DAPK1: variants seen among roughly 807,000 people sequenced by gnomAD.
The protein encoded by DAPK1 is death associated protein kinase 1.
In DAPK1, 56 loss-of-function variants were observed where a neutral mutation model predicts 144.9. The observed-to-expected ratio is 0.39, with a 90% CI of 0.31 to 0.48. The LOEUF (loss-of-function observed/expected upper bound fraction) is 0.48, where lower values mean the gene tolerates loss of function less well. Among genes scored for constraint, DAPK1 ranks in the 20% least tolerant of loss-of-function variants. The pLI is 0.95. For missense variants in DAPK1, 1,454 were observed against 1,875.4 expected (o/e 0.78, Z 4.15); for synonymous variants, 690 against 749.0 (o/e 0.92, Z 1.29).
chr9:87,565,901 C>T (rs752437090), intron 2 of DAPK1, among the ~76,000 whole-genome samples: 26 of 152,246 alleles, frequency 1.7e-4, no homozygotes, highest in Middle Eastern at 3.4e-3. Flanking sequence ...AGGCATTATT[C>T]CCTTTATTTT....
At chr9:87,639,525 A>G (rs752545645) in intron 5 of DAPK1, 42 bp downstream of exon 5, 7 of 1,610,430 alleles carry the variant, frequency 4.3e-6, no homozygotes, top group African/African-American at 4.0e-5. Flanking sequence ...TCTCATAAAC[A>G]TTATTCTGGC....
chr9:87,510,209 CA>C lies in DAPK1; in HGVS notation c.62+11071del, dbSNP rs1302969187. Among the ~76,000 whole-genome samples, 7 of 152,252 alleles carry C rather than the reference CA, an allele frequency of 4.6e-5. No homozygotes were observed. The East Asian group carries it at 5.8e-4, about 13-fold the overall frequency. Reference sequence around the variant, plus strand: ...TAACGCTTGACACGTATGGAGCAGACAGGGTAATGTCAGCCTCGTGGCCATG... The same window carrying C: ...TAACGCTTGACACGTATGGAGCAGACGGGTAATGTCAGCCTCGTGGCCATG... On this transcript the variant is annotated intron_variant, in intron 2 of 25. Transcript: ENST00000408954.
intron 3 of DAPK1, among the ~76,000 whole-genome samples, chr9:87,622,384 T>C (rs1829328692): frequency 6.6e-6 from 1 of 151,974 alleles, no homozygotes; most frequent in Non-Finnish European, 1.5e-5. Flanking sequence ...CTCCGGTACC[T>C]CACAAAACAG....
chr9:87,584,313 T>C (rs1209906695), intron 2 of DAPK1, among the ~76,000 whole-genome samples: 1 of 152,228 alleles, frequency 6.6e-6, no homozygotes, highest in Non-Finnish European at 1.5e-5. Flanking sequence ...TCTGGCCGAA[T>C]AGTATTTCAC....
chr9:87,694,240 G>T (rs1013888194), intron 21 of DAPK1, among the ~76,000 whole-genome samples: 5 of 152,142 alleles, frequency 3.3e-5, no homozygotes, highest in African/African-American at 1.2e-4. Context: ...ACCTAGCCCT[G>T]CAGGTGGCAT....
chr9:87,633,468 T>A, intron 3 of DAPK1: 1 of 817,440 alleles, frequency 1.2e-6, no homozygotes, highest in Middle Eastern at 6.2e-4. Flanking sequence ...AAGGACTTGG[T>A]TGCCTGGACA....
intron 3 of DAPK1, chr9:87,633,454 A>G (rs1349198979): frequency 1.1e-6 from 1 of 912,254 alleles, no homozygotes; most frequent in Non-Finnish European, 1.3e-6. Flanking sequence ...CTAATGTCTA[A>G]CTGAAGGACT....
chr9:87,672,858 C>G (rs1824225189), intron 19 of DAPK1, among the ~76,000 whole-genome samples: 2 of 152,128 alleles, frequency 1.3e-5, no homozygotes, highest in African/African-American at 4.8e-5. Flanking sequence ...GTGGGGAGCC[C>G]AGAAGCAGGC....
intron 19 of DAPK1, among the ~76,000 whole-genome samples, chr9:87,675,874 CA>C (rs1417379993): frequency 6.6e-6 from 1 of 151,326 alleles, no homozygotes; most frequent in African/African-American, 2.4e-5. Context: ...CACACACACA[CA>C]CACACACACA....
chr9:87,639,633 T>C lies in DAPK1; in HGVS notation c.554-17T>C. 6.2e-7 allele frequency: 1 copy of C among 1,613,914 alleles called. No individual in the cohort carries two copies. Among genetic ancestry groups the C allele is most frequent in the Non-Finnish European group, 8.5e-7 (1 of 1,179,842 alleles). On this transcript the variant is annotated splice_polypyrimidine_tract_variant and intron_variant, in intron 5 of 25. Transcript: ENST00000408954. ...TTTGCTTCCTCCCAAGCTAAATGAG[T>C]GTTTGTTTCCTCTTAGCTCCTGAGA...
chr9:87,691,986 C>T (rs952114551), intron 21 of DAPK1, among the ~76,000 whole-genome samples: 4 of 152,130 alleles, frequency 2.6e-5, no homozygotes, highest in Admixed American at 1.3e-4. Flanking sequence ...CTGTAAATGT[C>T]CGTTAGGTCC....
chr9:87,550,340 T>TAACAAA (rs1826429397), intron 2 of DAPK1, among the ~76,000 whole-genome samples: 1 of 152,266 alleles, frequency 6.6e-6, no homozygotes, highest in African/African-American at 2.4e-5. Flanking sequence ...GCTAGGGCTG[T>TAACAAA]TATAACAAAA....
At chr9:87,670,054 C>T (rs1440653623) in intron 19 of DAPK1, among the ~76,000 whole-genome samples, 1 of 152,074 alleles carries the variant, frequency 6.6e-6, no homozygotes, top group African/African-American at 2.4e-5. Context: ...CCTGTTCTTA[C>T]CAGAAATTCA....
At chr9:87,570,355 C>G (rs1460193653) in intron 2 of DAPK1, among the ~76,000 whole-genome samples, 1 of 152,116 alleles carries the variant, frequency 6.6e-6, no homozygotes, top group East Asian at 1.9e-4. Flanking sequence ...TGTCCATTAG[C>G]AAAGAAGAGA....
At chr9:87,690,127 A>C (rs1825004082) in intron 21 of DAPK1, among the ~76,000 whole-genome samples, 1 of 152,110 alleles carries the variant, frequency 6.6e-6, no homozygotes, top group Non-Finnish European at 1.5e-5. Context: ...TGATTCTTCC[A>C]ATATATGACC....
intron 3 of DAPK1, among the ~76,000 whole-genome samples, chr9:87,634,365 C>T (rs1383229333): frequency 6.6e-6 from 1 of 152,180 alleles, no homozygotes; most frequent in Non-Finnish European, 1.5e-5. Flanking sequence ...TTGCTCGAGG[C>T]TCCTTGGCCT....
At chr9:87,657,291 A>G (rs887094633) in intron 17 of DAPK1, 3 of 152,484 alleles carry the variant, frequency 2.0e-5, no homozygotes, top group Admixed American at 6.5e-5. Flanking sequence ...ATTACGTACA[A>G]TCTGATGAGT....
chr9:87,620,482 G>C (rs760135385), intron 3 of DAPK1, among the ~76,000 whole-genome samples: 1 of 151,962 alleles, frequency 6.6e-6, no homozygotes, highest in African/African-American at 2.4e-5. Context: ...ATGGGCTGGT[G>C]GTCCTCTGTC....
intron 20 of DAPK1, among the ~76,000 whole-genome samples, chr9:87,684,450 C>G (rs1334084000): frequency 2.6e-5 from 4 of 152,234 alleles, no homozygotes; most frequent in African/African-American, 9.6e-5. Context: ...TTTATATCAT[C>G]AGACAGCAAG....
Sources: gnomAD v4.1 joint callset for allele counts (sites outside exome capture counted in the v4.1 genomes callset) on GRCh38, gnomAD v4.1.1 for gene constraint, MANE v1.5 for transcripts, NCBI Gene and HGNC (gene_info 2026-07-23, HGNC 2026-07-21) for gene names.